The following POC1A variants were observed in gnomAD, a reference collection of about 807,000 sequenced individuals.
POC1A encodes the protein POC1 centriolar protein homolog A.
In POC1A, 34 loss-of-function variants were observed where a neutral mutation model predicts 47.8. The observed-to-expected ratio is 0.71, with a 90% confidence interval of 0.54 to 0.95. POC1A has a LOEUF of 0.95. Ranked by LOEUF, POC1A falls within the 40% of genes least tolerant of loss-of-function variation. The pLI, the probability that POC1A is intolerant of heterozygous loss-of-function variation, is 0.00. For missense variants in POC1A, 466 were observed against 528.3 expected (o/e 0.88, Z 1.16); for synonymous variants, 177 against 207.6 (o/e 0.85, Z 1.27).
chr3:52,120,303 A>G (rs557821144), intron 9 of POC1A, among the ~76,000 whole-genome samples: 1 of 152,286 alleles, frequency 6.6e-6, no homozygotes, highest in African/African-American at 2.4e-5. Context: ...CTAAAAACCT[A>G]GCTCTCCTCT....
intron 9 of POC1A, among the ~76,000 whole-genome samples, chr3:52,106,296 G>A (rs890255592): frequency 4.6e-5 from 7 of 151,920 alleles, no homozygotes; most frequent in Admixed American, 3.9e-4. Flanking sequence ...TCACAGTCAG[G>A]CCTCAGAGCC....
chr3:52,121,424 C>T lies in POC1A; in HGVS notation c.981+955G>A, dbSNP rs529291992. 1.3e-4 allele frequency among the ~76,000 whole-genome samples: 20 copies of T among 152,364 alleles called. No individual in the cohort carries two copies. The South Asian group carries it at 4.1e-3, about 32-fold the overall frequency. ...CAAGAGACCAGCCAGGACAGCAACC[C>T]TTGTAAGAAAAACCATAAATCCCAA... On this transcript the variant is annotated intron_variant, in intron 9 of 10. Transcript: ENST00000296484.
chr3:52,140,606 T>G (rs2107170276), intron 6 of POC1A, among the ~76,000 whole-genome samples: 1 of 152,242 alleles, frequency 6.6e-6, no homozygotes, highest in Non-Finnish European at 1.5e-5. Flanking sequence ...GAATCTCCAC[T>G]CCACATAAAT....
chr3:52,111,652 T>TAAAAA (rs59028696), intron 9 of POC1A, among the ~76,000 whole-genome samples: 2 of 95,142 alleles, frequency 2.1e-5, no homozygotes, highest in African/African-American at 3.6e-5. Flanking sequence ...GTCTCAAAAT[T>TAAAAA]AAAAAAAAAA....
At chr3:52,134,022 G>A (rs1054875705) in intron 7 of POC1A, among the ~76,000 whole-genome samples, 4 of 152,194 alleles carry the variant, frequency 2.6e-5, no homozygotes, top group African/African-American at 9.6e-5. Flanking sequence ...AAAGTTTCAT[G>A]GGGCTCCCTT....
At chr3:52,128,019 A>G (rs563802186) in intron 7 of POC1A, among the ~76,000 whole-genome samples, 1 of 152,298 alleles carries the variant, frequency 6.6e-6, no homozygotes, top group Admixed American at 6.5e-5. Context: ...TTAATAATGA[A>G]TATATGGCAT....
At chr3:52,085,999 G>A (rs1702447024) in intron 10 of POC1A, among the ~76,000 whole-genome samples, 1 of 152,162 alleles carries the variant, frequency 6.6e-6, no homozygotes, top group Non-Finnish European at 1.5e-5. Flanking sequence ...AGGTTTGGGA[G>A]GGTGTGAGCC....
At chr3:52,147,712 A>G (rs1308443268) in intron 4 of POC1A, among the ~76,000 whole-genome samples, 1 of 152,140 alleles carries the variant, frequency 6.6e-6, no homozygotes, top group Non-Finnish European at 1.5e-5. Context: ...CCAAAGTGCT[A>G]GGATTACAGA....
At chr3:52,106,180 C>CAAAAAAAA (rs11350232) in intron 9 of POC1A, among the ~76,000 whole-genome samples, 2 of 73,576 alleles carry the variant, frequency 2.7e-5, no homozygotes, top group Admixed American at 1.6e-4. Context: ...GACTACGTCT[C>CAAAAAAAA]AAAAAAAAAA....
intron 10 of POC1A, among the ~76,000 whole-genome samples, chr3:52,085,888 A>G (rs1284455139): frequency 1.3e-5 from 2 of 152,190 alleles, no homozygotes; most frequent in Non-Finnish European, 2.9e-5. Flanking sequence ...TATGGGGAAC[A>G]TGACTCCTCT....
At chr3:52,076,215 AGG>A (rs1431161485) in intron 10 of POC1A, among the ~76,000 whole-genome samples, 1 of 152,136 alleles carries the variant, frequency 6.6e-6, no homozygotes, top group Non-Finnish European at 1.5e-5. Context: ...GTTTGTGGGC[AGG>A]GGGTGGGGAC....
At position 52,090,811 on chromosome 3, in the gene POC1A, G is replaced by A. The variant is rs992264369; in HGVS notation, c.1125+5758C>T. ...GGGCAGGCAGGCCTAGCAGCCTCGGGGTCCGGCCTAGAGTCCTCCAGGGGT... is the reference window on the plus strand; with the variant it reads ...GGGCAGGCAGGCCTAGCAGCCTCGGAGTCCGGCCTAGAGTCCTCCAGGGGT... On this transcript the variant is annotated intron_variant, in intron 10 of 10. Transcript: ENST00000296484. This position sits in a 1 kb window ranked among gnomAD's most constrained non-coding sequence, Gnocchi z 4.2. Among the ~76,000 whole-genome samples, 6 of 151,812 alleles carry A rather than the reference G, an allele frequency of 4.0e-5. No individual in the cohort carries two copies. The highest frequency in any genetic ancestry group is 7.4e-5 in the Non-Finnish European group (5 of 67,904).
At chr3:52,109,265 T>C (rs1297830885) in intron 9 of POC1A, among the ~76,000 whole-genome samples, 1 of 152,212 alleles carries the variant, frequency 6.6e-6, no homozygotes, top group East Asian at 1.9e-4. Flanking sequence ...ATTATATAAC[T>C]AAGAAATGGC....
intron 7 of POC1A, among the ~76,000 whole-genome samples, chr3:52,132,355 T>C (rs1165452201): frequency 6.6e-6 from 1 of 152,094 alleles, no homozygotes; most frequent in Non-Finnish European, 1.5e-5. Context: ...GTACAAACTG[T>C]TTGTTCCTAA....
chr3:52,144,149 T>C (rs1242904567), intron 6 of POC1A, among the ~76,000 whole-genome samples: 1 of 152,226 alleles, frequency 6.6e-6, no homozygotes, highest in East Asian at 1.9e-4. Context: ...CATGTGCTCC[T>C]GACCACTGTC....
intron 6 of POC1A, among the ~76,000 whole-genome samples, chr3:52,139,382 C>T (rs1051482455): frequency 6.6e-6 from 1 of 152,184 alleles, no homozygotes; most frequent in Non-Finnish European, 1.5e-5. Flanking sequence ...CTCAGGCTAA[C>T]CCCACCATCT....
chr3:52,132,924 TA>T (rs1163206741), intron 7 of POC1A, among the ~76,000 whole-genome samples: 2 of 151,972 alleles, frequency 1.3e-5, no homozygotes, highest in Non-Finnish European at 2.9e-5. Flanking sequence ...CGTGCACGTG[TA>T]ATCCCAACTA....
intron 9 of POC1A, among the ~76,000 whole-genome samples, chr3:52,101,857 A>G (rs932978453): frequency 1.3e-5 from 2 of 152,108 alleles, no homozygotes; most frequent in Non-Finnish European, 2.9e-5. Context: ...TCTGGAGGGG[A>G]AAAAAAGGTC....
intron 10 of POC1A, among the ~76,000 whole-genome samples, chr3:52,076,319 G>A (rs1165337253): frequency 6.6e-6 from 1 of 152,190 alleles, no homozygotes; most frequent in Non-Finnish European, 1.5e-5. Context: ...TGGTGGCCTG[G>A]CATTTATATT....
Sources: gnomAD v4.1 joint callset for allele counts (sites outside exome capture counted in the v4.1 genomes callset) on GRCh38, gnomAD v4.1.1 for gene constraint, Gnocchi (gnomAD v3.1) non-coding constraint, MANE v1.5 for transcripts, NCBI Gene and HGNC (gene_info 2026-07-23, HGNC 2026-07-21) for gene names.